SPG7: variants seen among roughly 807,000 people sequenced by gnomAD.
SPG7 encodes SPG7 matrix AAA peptidase subunit, paraplegin, also known as mitochondrial inner membrane m-AAA protease component paraplegin.
In SPG7, 103 loss-of-function variants were observed where a neutral mutation model predicts 81.9. The ratio of observed to expected loss-of-function variants is 1.26; its 90% CI spans 1.07 to 1.48. The LOEUF is 1.48. Ranked by LOEUF, SPG7 falls within the 40% of genes most tolerant of loss-of-function variation. The pLI is 0.00. For synonymous variants in SPG7, 534 were observed against 444.2 expected, an observed-to-expected ratio of 1.20 and a Z score of -2.54; for missense variants, 1,241 against 1,087.3, an observed-to-expected ratio of 1.14 and a Z score of -1.99.
chr16:89,510,454 G>A (rs966911696), intron 1 of SPG7, 36 bp from the exon 2 acceptor site: 3 of 1,316,660 alleles, frequency 2.3e-6, no homozygotes, highest in South Asian at 1.2e-5. Context: ...TCTAATGTTG[G>A]TGTGACCTCC....
intron 3 of SPG7, chr16:89,520,591 T>A (rs2058173500): frequency 6.5e-6 from 1 of 153,128 alleles, no homozygotes; most frequent in South Asian, 2.0e-4. Flanking sequence ...GAGACAGGGT[T>A]TCACCATGTT....
chr16:89,537,326 G>T, intron 9 of SPG7: 1 of 1,203,394 alleles, frequency 8.3e-7, no homozygotes, highest in East Asian at 4.4e-5. Context: ...TGGAGGCACC[G>T]CCGGCGATGG....
chr16:89,510,672 AT>A, intron 2 of SPG7, 80 bp downstream of exon 2: 1 of 883,642 alleles, frequency 1.1e-6, no homozygotes, highest in Non-Finnish European at 1.9e-6. Context: ...ATCTTTTTTT[AT>A]TTTAGAGACG....
At chr16:89,510,700 C>G in intron 2 of SPG7, 108 bp downstream of exon 2, 1 of 745,198 alleles carries the variant, frequency 1.3e-6, no homozygotes, top group Non-Finnish European at 2.4e-6. Flanking sequence ...CGCCCTGTTG[C>G]ACGGGCTGGA....
chr16:89,528,128 C>T (rs995787309), intron 5 of SPG7, among the ~76,000 whole-genome samples: 1 of 149,434 alleles, frequency 6.7e-6, no homozygotes, highest in African/African-American at 2.5e-5. Context: ...CGGTGGCTCA[C>T]GCCTGTAATT....
intron 9 of SPG7, chr16:89,537,649 G>T: frequency 3.2e-6 from 3 of 941,710 alleles, no homozygotes; most frequent in Non-Finnish European, 3.8e-6. Flanking sequence ...TAAGTAGTTG[G>T]GACTCAAGGC....
At chr16:89,542,434 C>T (rs1305098859) in intron 9 of SPG7, among the ~76,000 whole-genome samples, 2 of 152,102 alleles carry the variant, frequency 1.3e-5, no homozygotes, top group East Asian at 1.9e-4. Flanking sequence ...TAAAAGTCAC[C>T]GTGATTTTAA....
intron 3 of SPG7, chr16:89,523,637 A>G (rs2058220565): frequency 1.1e-5 from 5 of 457,464 alleles, no homozygotes; most frequent in African/African-American, 6.0e-5. Flanking sequence ...GCTGGAGCAC[A>G]GTGGCGCGAT....
At chr16:89,537,682 G>C (rs768409167) in intron 9 of SPG7, 21 of 979,446 alleles carry the variant, frequency 2.1e-5, no homozygotes, top group Non-Finnish European at 2.5e-5. Context: ...GCCAGGCTCT[G>C]TTTTTTCAGT....
chr16:89,519,852 A>T (rs962060874), intron 3 of SPG7: 1 of 152,222 alleles, frequency 6.6e-6, no homozygotes, highest in Non-Finnish European at 1.5e-5. Context: ...GATGAGCCTG[A>T]TGTGGCCCCT....
chr16:89,547,511 C>T, intron 11 of SPG7: 1 of 215,772 alleles, frequency 4.6e-6, no homozygotes, highest in Middle Eastern at 1.9e-3. Flanking sequence ...CCGCTCTCCC[C>T]AGCTCTGCTC....
At chr16:89,512,339 G>A (rs537397185) in intron 2 of SPG7, among the ~76,000 whole-genome samples, 2 of 151,860 alleles carry the variant, frequency 1.3e-5, no homozygotes, top group African/African-American at 4.8e-5. Context: ...TTTGTGAGTC[G>A]GAGTCTTGCT....
In SPG7 at chr16:89,529,346, C is replaced by T. The variant is rs576192458; in HGVS notation, c.759-131C>T. 7.3e-4 allele frequency: 517 copies of T among 708,990 alleles called. 1 individual carries two copies. The highest frequency in any genetic ancestry group is 1.1e-3 in the Non-Finnish European group (437 of 388,130). 43.9% of individuals were successfully genotyped at this position (708,990 alleles called of 1,614,324 possible). On this transcript the variant is annotated intron_variant, in intron 5 of 16. Coordinates refer to ENST00000645818, the MANE Select transcript of SPG7 (RefSeq NM_003119.4). ...CCATTTCCACAACCATTTTAATCTG[C>T]GCATCGGTCCCAGACGTAGGGATTC...
chr16:89,515,224 C>G lies in SPG7; in HGVS notation c.376+2187C>G, dbSNP rs948102958. ...GTGCTGGGATTACAGGAGTGGGCCA[C>G]CGCACCCAGCCCTGGACCTTTTTTT... On this transcript the variant is annotated intron_variant, in intron 3 of 16. Coordinates refer to ENST00000645818, the MANE Select transcript of SPG7 (RefSeq NM_003119.4). Among the ~76,000 whole-genome samples the G allele has an allele frequency of 6.0e-5, 9 of 150,172 alleles. 1 individual carries two copies. The Admixed American group carries it at 6.0e-4, about 10-fold the overall frequency.
At chr16:89,551,065 TCAAA>T (rs138496011) in intron 13 of SPG7, 37,154 of 232,844 alleles carry the variant, frequency 0.16, 3,248 homozygotes, top group Non-Finnish European at 0.18. Flanking sequence ...TGTCTCTACT[TCAAA>T]CAAACAAACA....
intron 9 of SPG7, among the ~76,000 whole-genome samples, chr16:89,534,701 T>A (rs1480687348): frequency 6.6e-6 from 1 of 152,064 alleles, no homozygotes; most frequent in Non-Finnish European, 1.5e-5. Context: ...CACTTTAGAC[T>A]TACAGAAGCG....
At chr16:89,544,880 G>T in intron 10 of SPG7, 108 bp downstream of exon 10, 1 of 1,377,626 alleles carries the variant, frequency 7.3e-7, no homozygotes, top group Non-Finnish European at 1.0e-6. Flanking sequence ...GCCTGTCACA[G>T]CCCCACAGGT....
intron 3 of SPG7, among the ~76,000 whole-genome samples, chr16:89,514,884 CCT>C (rs2058073860): frequency 6.6e-6 from 1 of 151,348 alleles, no homozygotes; most frequent in South Asian, 2.1e-4. Context: ...CCCACCTTGG[CCT>C]CCCAAAGTGC....
intron 9 of SPG7, chr16:89,537,428 A>C (rs2058440497): frequency 2.9e-6 from 3 of 1,038,092 alleles, no homozygotes; most frequent in Non-Finnish European, 3.5e-6. Context: ...AGCGGTTCAC[A>C]CAGGCCTCCC....
Sources: gnomAD v4.1 joint callset for allele counts (sites outside exome capture counted in the v4.1 genomes callset) on GRCh38, gnomAD v4.1.1 for gene constraint, MANE v1.5 for transcripts, NCBI Gene and HGNC (gene_info 2026-07-23, HGNC 2026-07-21) for gene names.